PHLPP2: variants seen among roughly 807,000 people sequenced by gnomAD.
PHLPP2 encodes PH domain leucine-rich repeat-containing protein phosphatase 2.
Under a neutral mutation model 124.9 loss-of-function variants are expected in PHLPP2, and 66 were observed. The observed-to-expected ratio is 0.53, with a 90% CI of 0.43 to 0.65. The LOEUF (loss-of-function observed/expected upper bound fraction) is 0.65. Among genes scored for constraint, PHLPP2 ranks in the 30% least tolerant of loss-of-function variants. The pLI is 0.00. For synonymous variants in PHLPP2, 681 were observed against 624.7 expected, an observed-to-expected ratio of 1.09 and a Z score of -1.34; for missense variants, 1,685 against 1,600.4, an observed-to-expected ratio of 1.05 and a Z score of -0.90.
intron 4 of PHLPP2, among the ~76,000 whole-genome samples, chr16:71,689,334 C>G (rs2045084931): frequency 6.6e-6 from 1 of 150,904 alleles, no homozygotes. Flanking sequence ...CCTCCCACCT[C>G]AACCTCCCAC....
intron 1 of PHLPP2, among the ~76,000 whole-genome samples, chr16:71,717,629 ATATT>A (rs1487761748): frequency 1.3e-5 from 2 of 152,234 alleles, no homozygotes; most frequent in Non-Finnish European, 2.9e-5. Flanking sequence ...TAATAGTTAA[ATATT>A]TAGTAGGTAA....
chr16:71,714,646 G>C lies in PHLPP2; in HGVS notation c.150C>G (p.Ser50=), dbSNP rs752382659. 9 of 1,613,540 alleles carry C rather than the reference G, an allele frequency of 5.6e-6. No individual in the cohort carries two copies. The highest frequency in any genetic ancestry group is 1.1e-5 in the South Asian group (1 of 91,068). Residue 50 remains serine, a synonymous_variant, in exon 2 of 19, where the codon TCC becomes TCG. Coordinates refer to ENST00000568954, the MANE Select transcript of PHLPP2 (RefSeq NM_015020.3). ...AAGAGGAGGAGGAGGAAGAGGAAGA[G>C]GAGGTGGTGGTGGTTGTAGTGGCAG... ...TTTATTTTTT[S]SSSSSSSSSS...
At chr16:71,665,636 C>T (rs74773912) in intron 12 of PHLPP2, among the ~76,000 whole-genome samples, 1,762 of 152,262 alleles carry the variant, frequency 0.012, 22 homozygotes, top group South Asian at 0.022. Context: ...TCTGCTTGTG[C>T]TGTGGTCTCA....
In PHLPP2 at chr16:71,646,603, G is replaced by A. The variant is rs2044654924; in HGVS notation, c.*2287C>T. ...ATTCCCAAAATAACTTTAATTTTTAGACATCACTATTCTACAACCCGAAGG... is the reference window on the plus strand; with the variant it reads ...ATTCCCAAAATAACTTTAATTTTTAAACATCACTATTCTACAACCCGAAGG... On this transcript the variant is annotated 3_prime_UTR_variant, in exon 19 of 19. Coordinates refer to ENST00000568954, the MANE Select transcript of PHLPP2 (RefSeq NM_015020.3). The A allele has an allele frequency of 6.6e-6, 1 of 152,026 alleles. No homozygotes were observed. The highest frequency in any genetic ancestry group is 2.4e-5 in the African/African-American group (1 of 41,394). The allele number at this position is 152,026 out of a possible 1,614,324, so 9.4% of individuals were successfully genotyped here. A position where few individuals can be genotyped will look rare whatever the true frequency, so the allele number is the denominator to read the frequency against.
chr16:71,680,263 A>G (rs533012014), intron 6 of PHLPP2, among the ~76,000 whole-genome samples: 3 of 152,358 alleles, frequency 2.0e-5, no homozygotes, highest in Admixed American at 6.5e-5. Flanking sequence ...GCTAACAAAT[A>G]GGTAGATCAA....
At chr16:71,718,751 C>A (rs1005444848) in intron 1 of PHLPP2, among the ~76,000 whole-genome samples, 1 of 152,068 alleles carries the variant, frequency 6.6e-6, no homozygotes, top group African/African-American at 2.4e-5. Context: ...AAAATATACA[C>A]GCTGTTGGTC....
chr16:71,703,553 T>C (rs1171693048), intron 2 of PHLPP2, among the ~76,000 whole-genome samples: 5 of 151,978 alleles, frequency 3.3e-5, no homozygotes, highest in Non-Finnish European at 2.9e-5. Flanking sequence ...GGGGCTATAA[T>C]AGTCATAATA....
At chr16:71,721,740 G>A (rs2045399983) in intron 1 of PHLPP2, among the ~76,000 whole-genome samples, 1 of 151,370 alleles carries the variant, frequency 6.6e-6, no homozygotes, top group Non-Finnish European at 1.5e-5. Flanking sequence ...TATAAGCTGA[G>A]TAAAAAAGTT....
intron 10 of PHLPP2, 143 bp downstream of exon 10, chr16:71,672,119 C>T (rs1477953388): frequency 1.5e-6 from 1 of 646,432 alleles, no homozygotes; most frequent in Non-Finnish European, 2.7e-6. Flanking sequence ...TAAACTTATT[C>T]GTCCATTCAT....
chr16:71,678,732 G>C lies in PHLPP2; in HGVS notation c.1268+23C>G, dbSNP rs753815589. The C allele has an allele frequency of 1.2e-5, 14 of 1,147,654 alleles. No individual in the cohort carries two copies. In the African/African-American group the frequency reaches 1.8e-4, roughly 15 times the overall value. 71.1% of individuals were successfully genotyped at this position (1,147,654 alleles called of 1,614,324 possible). On this transcript the variant is annotated intron_variant, in intron 8 of 18. Transcript: ENST00000568954. ...GTCCACCAGAGTCAATTTAAAGGAA[G>C]GTGTGGTAAAGAATAACCTTACCTT...
intron 13 of PHLPP2, among the ~76,000 whole-genome samples, chr16:71,662,126 C>T (rs2044797477): frequency 6.6e-6 from 1 of 151,356 alleles, no homozygotes; most frequent in Non-Finnish European, 1.5e-5. Context: ...CCGGCCTCTA[C>T]AAGTAAAAGG....
At chr16:71,663,778 C>T (rs2044814225) in intron 13 of PHLPP2, 121 bp downstream of exon 13, 1 of 759,450 alleles carries the variant, frequency 1.3e-6, no homozygotes, top group African/African-American at 1.7e-5. Context: ...CTAGTGAAAT[C>T]ATAGCATCTG....
intron 17 of PHLPP2, 30 bp from the exon 18 acceptor site, chr16:71,653,051 T>A: frequency 6.9e-7 from 1 of 1,457,782 alleles, no homozygotes; most frequent in Non-Finnish European, 9.5e-7. Context: ...AAAGAAGACG[T>A]GGTGGCTAGT....
chr16:71,694,834 G>C (rs371317121), intron 3 of PHLPP2, among the ~76,000 whole-genome samples: 3 of 151,866 alleles, frequency 2.0e-5, no homozygotes, highest in Non-Finnish European at 2.9e-5. Flanking sequence ...GCCCAGGCTG[G>C]AGTGCAGTGG....
Position 71,656,688 on chromosome 16 carries a change from GAGGTGA to G in PHLPP2, c.2280-13_2280-8del, listed in dbSNP as rs760219121. ...TTTCAGGGTTGTGATATGGCTGTGG[GAGGTGA>G]AGGAAGATTAAACCATATATTCTTC... On this transcript the variant is annotated splice_region_variant and splice_polypyrimidine_tract_variant and intron_variant, in intron 15 of 18. Coordinates refer to ENST00000568954, the MANE Select transcript of PHLPP2 (RefSeq NM_015020.3). 12 of 1,494,564 alleles carry G rather than the reference GAGGTGA, an allele frequency of 8.0e-6. No homozygotes were observed. The highest frequency in any genetic ancestry group is 1.7e-5 in the Admixed American group (1 of 59,814). The allele number at this position is 1,494,564 out of a possible 1,614,324, so 92.6% of individuals were successfully genotyped here.
At chr16:71,707,640 T>A (rs956457793) in intron 2 of PHLPP2, among the ~76,000 whole-genome samples, 2 of 152,162 alleles carry the variant, frequency 1.3e-5, no homozygotes, top group Non-Finnish European at 2.9e-5. Context: ...TGATGAACTG[T>A]TCGATATGGT....
chr16:71,668,222 T>C (rs892786658), intron 11 of PHLPP2, among the ~76,000 whole-genome samples: 4 of 151,108 alleles, frequency 2.6e-5, no homozygotes, highest in Non-Finnish European at 5.9e-5. Flanking sequence ...CCATCCTGGC[T>C]AACACGGTGA....
At chr16:71,656,533 C>T in intron 16 of PHLPP2, 38 bp downstream of exon 16, 9 of 1,276,952 alleles carry the variant, frequency 7.0e-6, no homozygotes, top group Non-Finnish European at 1.0e-5. Flanking sequence ...CAGGGGCTGC[C>T]TTTTTTCTTT....
chr16:71,656,841 C>A (rs1254009851), intron 15 of PHLPP2, among the ~76,000 whole-genome samples, 160 bp from the exon 16 acceptor site: 6 of 151,908 alleles, frequency 3.9e-5, no homozygotes, highest in Non-Finnish European at 7.4e-5. Flanking sequence ...ACTGCTGCCT[C>A]CCGGTTCAAG....
Sources: gnomAD v4.1 joint callset for allele counts (sites outside exome capture counted in the v4.1 genomes callset) on GRCh38, gnomAD v4.1.1 for gene constraint, MANE v1.5 for transcripts, NCBI Gene and HGNC (gene_info 2026-07-23, HGNC 2026-07-21) for gene names.